Variants in APC2 observed in about 807,000 individuals in gnomAD.
APC2 encodes adenomatous polyposis coli protein 2.
APC2 carries 41 observed loss-of-function variants against 72.5 expected under a neutral mutation model. That is an observed-to-expected ratio of 0.57 (90% CI 0.44 to 0.73). The LOEUF is 0.73. Ranked by LOEUF, APC2 falls within the 30% of genes least tolerant of loss-of-function variation. The pLI, the probability that APC2 is intolerant of heterozygous loss-of-function variation, is 0.00. For synonymous variants in APC2, 1,898 were observed against 1,612.0 expected (o/e 1.18, Z -4.25); for missense variants, 3,729 against 3,403.4 (o/e 1.10, Z -2.38).
rs1599164901 is a variant in APC2 at position 1,469,210 on chromosome 19, T to C, written c.5909T>C (p.Leu1970Pro). The change falls in exon 15 of 15, where the codon CTG becomes CCG. Residue 1970 changes from leucine to proline, a missense_variant. Transcript: ENST00000590469. The part of the protein sequence containing the change: ...EAGPGARGGR[L>P]GLVRVASALS... ...GGCCCGGGGGCGCGCGGGGGCCGCC[T>C]GGGCCTGGTGCGTGTGGCCTCAGCC... is the stretch of plus-strand genomic sequence containing the variant. 7.4e-7 allele frequency: 1 copy of C among 1,348,048 alleles called. No homozygotes were observed. Among genetic ancestry groups the C allele is most frequent in the Non-Finnish European group, 9.6e-7 (1 of 1,045,954 alleles). The allele number at this position is 1,348,048 out of a possible 1,614,324, so 83.5% of individuals were successfully genotyped here. A position where few individuals can be genotyped will look rare whatever the true frequency, so the allele number is the denominator to read the frequency against.
Position 1,466,303 on chromosome 19 carries a change from A to T in APC2, c.3002A>T (p.His1001Leu), listed in dbSNP as rs766352795. 2 of 1,539,916 alleles carry T rather than the reference A, an allele frequency of 1.3e-6. No individual in the cohort carries two copies. Among genetic ancestry groups the T allele is most frequent in the Non-Finnish European group, 1.7e-6 (2 of 1,147,428 alleles). Residue 1001 changes from histidine to leucine, a missense_variant, in exon 15 of 15, where the codon CAC becomes CTC. Coordinates refer to ENST00000590469, the MANE Select transcript of APC2 (RefSeq NM_005883.3). The stretch of plus-strand genomic sequence containing the variant: ...ATCAAGCTGTCGCCTACCTATCAGC[A>T]CGTGCCACTGCTTGAGGGTGCCTCA... ...RTIKLSPTYQ[H>L]VPLLEGASRA...
At chr19:1,448,544 T>TAAAA (rs547873034), upstream of APC2, among the ~76,000 whole-genome samples, 2 of 82,702 alleles carry the variant, frequency 2.4e-5, no homozygotes, top group African/African-American at 9.7e-5. Flanking sequence ...AGACCCCATC[T>TAAAA]AAAAAAAAAA....
Position 1,465,881 on chromosome 19 carries a change from C to T in APC2, c.2580C>T (p.Asp860=). The change falls in exon 15 of 15, where the codon GAC becomes GAT. Residue 860 remains aspartate, a synonymous_variant. Coordinates refer to ENST00000590469, the MANE Select transcript of APC2 (RefSeq NM_005883.3). ...CGCGCATCGACCAGCTGGTGGAGGA[C>T]ATCTCCGCCCTGCACACCTCGTCCG... ...AVARIDQLVE[D]ISALHTSSDD... is the part of the protein sequence containing the mutation. 1.3e-6 allele frequency: 2 copies of T among 1,567,838 alleles called. No homozygotes were observed. The highest frequency in any genetic ancestry group is 1.7e-6 in the Non-Finnish European group (2 of 1,161,318).
rs77484699 is a variant in APC2 at position 1,455,319 on chromosome 19, G to T, written c.522+62G>T. Reference sequence around the variant, plus strand: ...CCCCACTCAGGGTGCGGGAAGCGGCGTGGGGGAGGAACGGGGCCTGGCCCG... The same window carrying T: ...CCCCACTCAGGGTGCGGGAAGCGGCTTGGGGGAGGAACGGGGCCTGGCCCG... On this transcript the variant is annotated intron_variant, in intron 5 of 14. Transcript: ENST00000590469. 6,536 of 1,587,158 alleles carry T rather than the reference G, an allele frequency of 4.1e-3. 230 individuals carry two copies. In the African/African-American group the frequency reaches 0.078, roughly 19 times the overall value.
At chr19:1,458,143 T>G (rs950359429) in intron 10 of APC2, 83 bp downstream of exon 10, 1 of 1,289,888 alleles carries the variant, frequency 7.8e-7, no homozygotes, top group Admixed American at 2.0e-5. Context: ...GGACACAGGC[T>G]GGGTCATCTG....
chr19:1,459,265 C>T (rs1014899357), intron 10 of APC2, among the ~76,000 whole-genome samples: 5 of 152,122 alleles, frequency 3.3e-5, no homozygotes, highest in Admixed American at 1.3e-4. Flanking sequence ...AGTGCAGTGG[C>T]GCCATCTCGG....
At chr19:1,460,713 G>C in intron 11 of APC2, 67 bp from the exon 12 acceptor site, 1 of 1,495,272 alleles carries the variant, frequency 6.7e-7, no homozygotes, top group Non-Finnish European at 9.2e-7. Context: ...AGACGGGGCT[G>C]GGAGGTGAGG....
chr19:1,453,702 T>G (rs1166935691), intron 4 of APC2, 91 bp downstream of exon 4: 15 of 1,472,438 alleles, frequency 1.0e-5, no homozygotes, highest in Non-Finnish European at 1.4e-5. Flanking sequence ...CCCGCATATG[T>G]CTCTGCCCAC....
At position 1,462,188 on chromosome 19, in the gene APC2, A is replaced by AC. The variant is rs746517708; in HGVS notation, c.1853+18dup. On this transcript the variant is annotated intron_variant, in intron 14 of 14. Transcript: ENST00000590469. ...CCGTGAGGACTACAGGTCGGCCCCC[A>AC]CCCCCCCACCCGCACACAGGCAGCT... The AC allele has an allele frequency of 1.3e-4, 126 of 993,310 alleles. No individual in the cohort carries two copies. The highest frequency in any genetic ancestry group is 7.0e-4 in the African/African-American group (38 of 54,576). 61.5% of individuals were successfully genotyped at this position (993,310 alleles called of 1,614,324 possible).
At chr19:1,449,464 G>A (rs937858165), upstream of APC2, among the ~76,000 whole-genome samples, 1 of 152,184 alleles carries the variant, frequency 6.6e-6, no homozygotes, top group Non-Finnish European at 1.5e-5. Context: ...CCCACCAGGG[G>A]CAGAGACACA....
chr19:1,454,658 G>A (rs553408277), intron 4 of APC2, among the ~76,000 whole-genome samples: 1 of 150,368 alleles, frequency 6.7e-6, no homozygotes, highest in Non-Finnish European at 1.5e-5. Context: ...CCGCCTCCCG[G>A]GTTCACACCA....
In APC2 at chr19:1,452,480, TGTCC is replaced by T. The variant is rs200048870; in HGVS notation, c.-18-502_-18-499del. 1,292 of 165,084 alleles carry T rather than the reference TGTCC, an allele frequency of 7.8e-3. 15 individuals carry two copies. The highest frequency in any genetic ancestry group is 0.029 in the African/African-American group (1,200 of 41,702). 10.2% of individuals were successfully genotyped at this position (165,084 alleles called of 1,614,324 possible). On this transcript the variant is annotated intron_variant, in intron 1 of 14. Transcript: ENST00000590469. This position sits in a 1 kb window ranked among gnomAD's most constrained non-coding sequence, Gnocchi z 5.1. ...CCATCGGCAGGGACAGCTGGTGGTC[TGTCC>T]GCCCCGCGTGTCTGGCTGTCAGCCT...
chr19:1,459,931 G>A (rs905556585), intron 10 of APC2, among the ~76,000 whole-genome samples: 7 of 152,324 alleles, frequency 4.6e-5, no homozygotes, highest in African/African-American at 9.6e-5. Context: ...TGGAGGAAGC[G>A]TGAGCCAGGA....
upstream of APC2, among the ~76,000 whole-genome samples, chr19:1,447,381 G>T (rs1355725034): frequency 6.6e-6 from 1 of 152,212 alleles, no homozygotes; most frequent in African/African-American, 2.4e-5. Context: ...CCAGGCTGCG[G>T]ACTTGCGGGG....
chr19:1,467,375 G>A lies in APC2; in HGVS notation c.4074G>A (p.Val1358=). 3 of 1,482,180 alleles carry A rather than the reference G, an allele frequency of 2.0e-6. No individual in the cohort carries two copies. The highest frequency in any genetic ancestry group is 2.7e-6 in the Non-Finnish European group (3 of 1,121,928). The allele number at this position is 1,482,180 out of a possible 1,614,324, so 91.8% of individuals were successfully genotyped here. A position where few individuals can be genotyped will look rare whatever the true frequency, so the allele number is the denominator to read the frequency against. The stretch of plus-strand genomic sequence containing the variant: ...CCGTGCCTGCCCGGCTGCGCAAGGT[G>A]GCCTCCGCGCTGGTGCCAGGTCGCC... ...GAAVPARLRK[V]ASALVPGRRA... Residue 1358 remains valine, a synonymous_variant, in exon 15 of 15, where the codon GTG becomes GTA. Coordinates refer to ENST00000590469, the MANE Select transcript of APC2 (RefSeq NM_005883.3).
chr19:1,466,742 G>C lies in APC2; in HGVS notation c.3441G>C (p.Ser1147=). ...LGVEDATPSS[S]SENYVQETPL... is the part of the protein sequence containing the mutation. ...TGGAAGACGCCACGCCGTCCAGCTC[G>C]TCGGAGAACTACGTGCAGGAGACAC... is the stretch of plus-strand genomic sequence containing the variant. The change falls in exon 15 of 15, where the codon TCG becomes TCC. Residue 1147 remains serine (S), a synonymous_variant. Transcript: ENST00000590469. The C allele has an allele frequency of 6.5e-7, 1 of 1,545,066 alleles. No homozygotes were observed.
In APC2 at chr19:1,468,215, C is replaced by G. The variant is rs1162782782; in HGVS notation, c.4914C>G (p.Pro1638=). ...AGCGGTGCATCAGCTCGGCCCTGCC[C>G]AGGCGCCGGCCCCCCGTGTCTGGCC... ...LLQRCISSAL[P]RRRPPVSGLR... The change falls in exon 15 of 15, where the codon CCC becomes CCG. Residue 1638 remains proline (P), a synonymous_variant. Coordinates refer to ENST00000590469, the MANE Select transcript of APC2 (RefSeq NM_005883.3). The G allele has an allele frequency of 2.7e-6, 4 of 1,475,906 alleles. No homozygotes were observed. The East Asian group carries it at 1.1e-4, about 40-fold the overall frequency. 91.4% of individuals were successfully genotyped at this position (1,475,906 alleles called of 1,614,324 possible).
In APC2 at chr19:1,467,409, C is replaced by T. The variant is rs1449812266; in HGVS notation, c.4108C>T (p.Pro1370Ser). Reference sequence around the variant, plus strand: ...GCTGGTGCCAGGTCGCCGCGCACTCCCCGTGCCCGTCTACATGTTGGTGCC... The same window carrying T: ...GCTGGTGCCAGGTCGCCGCGCACTCTCCGTGCCCGTCTACATGTTGGTGCC... The part of the protein sequence containing the change: ...SALVPGRRAL[P>S]VPVYMLVPAP... Residue 1370 changes from proline to serine, a missense_variant, in exon 15 of 15, where the codon CCC (proline) becomes TCC (serine). Pro to Ser is a moderately conservative substitution (Grantham distance 74, BLOSUM62 -1). Coordinates refer to ENST00000590469, the MANE Select transcript of APC2 (RefSeq NM_005883.3). 15 of 1,491,418 alleles carry T rather than the reference C, an allele frequency of 1.0e-5. No homozygotes were observed. Among genetic ancestry groups the T allele is most frequent in the Non-Finnish European group, 1.3e-5 (15 of 1,126,514 alleles). The allele number at this position is 1,491,418 out of a possible 1,614,324, so 92.4% of individuals were successfully genotyped here. A position where few individuals can be genotyped will look rare whatever the true frequency, so the allele number is the denominator to read the frequency against.
chr19:1,465,639 G>A lies in APC2; in HGVS notation c.2338G>A (p.Asp780Asn), dbSNP rs1568177831. ...TGCTTCCGATTCGGGCTGCTTTGACGACGACGATGCACCGTCATCCCTGGC... is the reference window on the plus strand; with the variant it reads ...TGCTTCCGATTCGGGCTGCTTTGACAACGACGATGCACCGTCATCCCTGGC... ...DYASDSGCFDDDDAPSSLAAA... is the reference protein window; with the variant it reads ...DYASDSGCFDNDDAPSSLAAA... Residue 780 changes from aspartate to asparagine, a missense_variant, in exon 15 of 15, where the codon GAC becomes AAC. Physicochemically the swap from Asp to Asn is conservative, Grantham distance 23. Coordinates refer to ENST00000590469, the MANE Select transcript of APC2 (RefSeq NM_005883.3). 1.2e-6 allele frequency: 2 copies of A among 1,603,834 alleles called. No homozygotes were observed. Among genetic ancestry groups the A allele is most frequent in the Non-Finnish European group, 1.7e-6 (2 of 1,176,172 alleles).
Sources: gnomAD v4.1 joint callset for allele counts (sites outside exome capture counted in the v4.1 genomes callset) on GRCh38, gnomAD v4.1.1 for gene constraint, Gnocchi (gnomAD v3.1) non-coding constraint, MANE v1.5 for transcripts, NCBI Gene and HGNC (gene_info 2026-07-23, HGNC 2026-07-21) for gene names.